Variants in FOXP2 observed in about 807,000 individuals in gnomAD.
FOXP2 encodes forkhead box P2.
FOXP2 carries 12 observed loss-of-function variants against 115.8 expected under a neutral mutation model. The observed-to-expected ratio is 0.10, with a 90% confidence interval of 0.07 to 0.17. The LOEUF (loss-of-function observed/expected upper bound fraction) is 0.17, where lower values mean the gene tolerates loss of function less well. FOXP2 is among the 10% of genes least tolerant of loss of function. FOXP2 has a pLI of 1.00. For synonymous variants in FOXP2, 328 were observed against 297.7 expected (o/e 1.10, Z -1.05); for missense variants, 629 against 843.5 (o/e 0.75, Z 3.15).
chr7:114,267,377 T>C (rs1475536753), intron 1 of FOXP2, among the ~76,000 whole-genome samples: 4 of 152,184 alleles, frequency 2.6e-5, no homozygotes, highest in African/African-American at 9.7e-5. Context: ...CCTAAAAATA[T>C]CTTATTTTTA....
chr7:114,245,461 C>A (rs1193245729), intron 1 of FOXP2, among the ~76,000 whole-genome samples: 1 of 152,186 alleles, frequency 6.6e-6, no homozygotes, highest in Non-Finnish European at 1.5e-5. Context: ...CACATACTTT[C>A]ACAAAACATA....
chr7:114,090,061 C>A (rs1253750519), intron 1 of FOXP2, among the ~76,000 whole-genome samples: 3 of 151,896 alleles, frequency 2.0e-5, no homozygotes, highest in Non-Finnish European at 4.4e-5. Flanking sequence ...TCAGCCTCAT[C>A]ACCCTTGTTT....
intron 2 of FOXP2, 59 bp from the exon 3 acceptor site, chr7:114,534,558 A>G: frequency 1.5e-6 from 2 of 1,354,480 alleles, no homozygotes; most frequent in Non-Finnish European, 2.1e-6. Flanking sequence ...TAACCAAGAG[A>G]TAATTGATAA....
chr7:114,145,970 A>G (rs777237105), intron 1 of FOXP2, among the ~76,000 whole-genome samples: 3 of 152,150 alleles, frequency 2.0e-5, no homozygotes, highest in Non-Finnish European at 2.9e-5. Flanking sequence ...ACATATGTAT[A>G]TGTTTCTATC....
chr7:114,570,258 GA>G (rs1250142074), intron 3 of FOXP2, among the ~76,000 whole-genome samples: 4 of 151,848 alleles, frequency 2.6e-5, no homozygotes, highest in Non-Finnish European at 5.9e-5. Context: ...CATAGTCTTA[GA>G]TACATTTTAG....
At position 114,642,525 on chromosome 7, in the gene FOXP2, C is replaced by T. The variant is rs760312452; in HGVS notation, c.891C>T (p.Ser297=). The T allele has an allele frequency of 5.0e-6, 8 of 1,613,832 alleles. No homozygotes were observed. Among genetic ancestry groups the T allele is most frequent in the Middle Eastern group, 1.7e-4 (1 of 6,060 alleles). ...TAGACCTCACTACTAACAATTCCTCCTCGACTACCTCCTCCAACACTTCCA... is the reference window on the plus strand; with the variant it reads ...TAGACCTCACTACTAACAATTCCTCTTCGACTACCTCCTCCAACACTTCCA... ...GGLDLTTNNS[S]STTSSNTSKA... is the part of the protein sequence containing the mutation. The change falls in exon 7 of 17, where the codon TCC becomes TCT. Residue 297 remains serine, a synonymous_variant. Transcript: ENST00000350908.
At chr7:114,662,013 T>G (rs1440192101) in intron 13 of FOXP2, 52 bp from the exon 14 acceptor site, 5 of 1,606,234 alleles carry the variant, frequency 3.1e-6, no homozygotes, top group Non-Finnish European at 4.3e-6. Context: ...TTGGGCTGCC[T>G]TATTAGACAA....
intron 2 of FOXP2, among the ~76,000 whole-genome samples, chr7:114,464,753 G>A (rs1795731879): frequency 6.6e-6 from 1 of 152,208 alleles, no homozygotes; most frequent in Non-Finnish European, 1.5e-5. Flanking sequence ...CTATATGGTA[G>A]TCCATGATGG....
At chr7:114,505,564 T>C (rs1487813342) in intron 2 of FOXP2, among the ~76,000 whole-genome samples, 2 of 150,332 alleles carry the variant, frequency 1.3e-5, no homozygotes, top group African/African-American at 4.9e-5. Context: ...GGATAATCAC[T>C]CTCCAAAAAA....
intron 2 of FOXP2, among the ~76,000 whole-genome samples, chr7:114,317,495 A>G (rs560957822): frequency 6.6e-6 from 1 of 152,294 alleles, no homozygotes; most frequent in South Asian, 2.1e-4. Flanking sequence ...GCACTAAAAT[A>G]TAAACACAAT....
intron 1 of FOXP2, among the ~76,000 whole-genome samples, chr7:114,110,249 C>T (rs1386676988): frequency 6.6e-6 from 1 of 152,098 alleles, no homozygotes; most frequent in Non-Finnish European, 1.5e-5. Context: ...ATGCACACAC[C>T]TTTTTCCAAA....
At chr7:114,199,712 C>T (rs573810624) in intron 1 of FOXP2, among the ~76,000 whole-genome samples, 5 of 152,138 alleles carry the variant, frequency 3.3e-5, no homozygotes, top group South Asian at 2.1e-4. Context: ...AAAATAGCAA[C>T]GTGAAAATTA....
chr7:114,549,527 G>A (rs1800097139), intron 3 of FOXP2, among the ~76,000 whole-genome samples: 1 of 152,170 alleles, frequency 6.6e-6, no homozygotes, highest in South Asian at 2.1e-4. Flanking sequence ...TATGCTATAT[G>A]TGACTCTGCC....
intron 1 of FOXP2, among the ~76,000 whole-genome samples, chr7:114,093,047 T>A (rs958414761): frequency 2.6e-5 from 4 of 152,152 alleles, no homozygotes; most frequent in African/African-American, 9.7e-5. Flanking sequence ...AGCAGAGTGA[T>A]CTTTTGAAAA....
intron 1 of FOXP2, among the ~76,000 whole-genome samples, chr7:114,239,700 A>G (rs1435598557): frequency 1.3e-5 from 2 of 152,202 alleles, no homozygotes; most frequent in East Asian, 1.9e-4. Flanking sequence ...ATAACATGTT[A>G]CCATAGTTAC....
intron 1 of FOXP2, among the ~76,000 whole-genome samples, chr7:114,202,596 T>C (rs935911630): frequency 6.6e-6 from 1 of 152,178 alleles, no homozygotes. Flanking sequence ...TCTTTCCTTG[T>C]AACAGAATGA....
chr7:114,669,661 A>G (rs1215964874), intron 16 of FOXP2: 1 of 152,046 alleles, frequency 6.6e-6, no homozygotes, highest in Admixed American at 6.6e-5. Context: ...ATTTGAACTT[A>G]CTGTCTTCTC....
At chr7:114,169,463 T>C (rs1448721135) in intron 1 of FOXP2, among the ~76,000 whole-genome samples, 1 of 152,176 alleles carries the variant, frequency 6.6e-6, no homozygotes, top group Non-Finnish European at 1.5e-5. Context: ...TTTGTTTTGG[T>C]CAATTTCTTC....
At chr7:114,143,159 TA>T (rs1245752860) in intron 1 of FOXP2, among the ~76,000 whole-genome samples, 4 of 148,018 alleles carry the variant, frequency 2.7e-5, no homozygotes, top group African/African-American at 9.9e-5. Context: ...ATAATAATAA[TA>T]ATAATAATAA....
Sources: gnomAD v4.1 joint callset for allele counts (sites outside exome capture counted in the v4.1 genomes callset) on GRCh38, gnomAD v4.1.1 for gene constraint, MANE v1.5 for transcripts, NCBI Gene and HGNC (gene_info 2026-07-23, HGNC 2026-07-21) for gene names.